Variants in IQGAP3 observed in about 807,000 individuals in gnomAD.
The protein encoded by IQGAP3 is ras GTPase-activating-like protein IQGAP3.
A neutral mutation model predicts 208.2 loss-of-function variants in IQGAP3; 165 were observed. That is an observed-to-expected ratio of 0.79 (90% CI 0.70 to 0.90). IQGAP3 has a LOEUF of 0.90. IQGAP3 is among the 40% of genes least tolerant of loss of function. The pLI, the probability that IQGAP3 is intolerant of heterozygous loss-of-function variation, is 0.00. For missense variants in IQGAP3, 1,811 were observed against 2,043.1 expected (o/e 0.89, Z 2.19); for synonymous variants, 703 against 803.6 (o/e 0.87, Z 2.12).
In IQGAP3 at chr1:156,548,195, T is replaced by C; in HGVS notation, c.2182A>G (p.Lys728Glu). ...TGGATAACAAAGCCGACGTTGGCTT[T>C]CCAGAGCTGTTGGCGGTCATAGGCA... is the stretch of plus-strand genomic sequence containing the variant. Reference protein sequence around the residue: ...TAAYDRQQLWKANVGFVIQLQ... With the variant: ...TAAYDRQQLWEANVGFVIQLQ... Residue 728 changes from lysine (K) to glutamate (E), a missense_variant, in exon 19 of 38, where the codon AAA (lysine) becomes GAA (glutamate). Coordinates refer to ENST00000361170, the MANE Select transcript of IQGAP3 (RefSeq NM_178229.5). 6.2e-7 allele frequency: 1 copy of C among 1,614,108 alleles called. No homozygotes were observed. The highest frequency in any genetic ancestry group is 1.7e-5 in the Admixed American group (1 of 60,022).
chr1:156,537,324 A>G lies in IQGAP3; in HGVS notation c.3282-3T>C, dbSNP rs1453865353. On this transcript the variant is annotated splice_polypyrimidine_tract_variant and splice_region_variant and intron_variant, in intron 26 of 37. Coordinates refer to ENST00000361170, the MANE Select transcript of IQGAP3 (RefSeq NM_178229.5). The stretch of plus-strand genomic sequence containing the variant: ...GGGTGACATCATATGGGAGATGGCT[A>G]TGAGCAGAGAGAGACAAGGTGTAAG... The G allele has an allele frequency of 6.2e-7, 1 of 1,610,890 alleles. No individual in the cohort carries two copies.
chr1:156,569,277 G>T, intron 2 of IQGAP3, 99 bp downstream of exon 2: 1 of 727,072 alleles, frequency 1.4e-6, no homozygotes, highest in South Asian at 1.7e-5. Flanking sequence ...CCCACAGGAT[G>T]GACTCTCGAT....
intron 11 of IQGAP3, among the ~76,000 whole-genome samples, chr1:156,560,378 G>T (rs1402057094): frequency 6.6e-6 from 1 of 152,092 alleles, no homozygotes; most frequent in Non-Finnish European, 1.5e-5. Context: ...TGCCATGGTG[G>T]CAGGTGCCTG....
At chr1:156,534,307 T>C (rs1265105124) in intron 29 of IQGAP3, among the ~76,000 whole-genome samples, 166 bp from the exon 30 acceptor site, 2 of 152,184 alleles carry the variant, frequency 1.3e-5, no homozygotes, top group African/African-American at 4.8e-5. Flanking sequence ...CAGTGACCCC[T>C]CAAGACAATC....
chr1:156,562,330 C>CT (rs1571359827), intron 9 of IQGAP3, among the ~76,000 whole-genome samples: 1 of 152,116 alleles, frequency 6.6e-6, no homozygotes, highest in East Asian at 1.9e-4. Flanking sequence ...TCCAACTGCC[C>CT]CCCCGGCATC....
Position 156,527,126 on chromosome 1 carries a change from C to T in IQGAP3, c.4783-527G>A, listed in dbSNP as rs902995069. ...GATTACAGGCGTGAGCCACTGCACC[C>T]GGCCAAAATCATTTTTCTTACTCAA... On this transcript the variant is annotated intron_variant, in intron 37 of 37. Transcript: ENST00000361170. Among the ~76,000 whole-genome samples, 30 of 151,898 alleles carry T rather than the reference C, an allele frequency of 2.0e-4. 2 individuals are homozygous for T. The Middle Eastern group carries it at 0.01, about 52-fold the overall frequency.
Position 156,528,145 on chromosome 1 carries a change from T to C in IQGAP3, c.4674-85A>G, listed in dbSNP as rs1674195434. The C allele has an allele frequency of 5.0e-6, 5 of 994,816 alleles. No individual in the cohort carries two copies. The Admixed American group carries it at 7.4e-5, about 15-fold the overall frequency. 61.6% of individuals were successfully genotyped at this position (994,816 alleles called of 1,614,324 possible). A position where few individuals can be genotyped will look rare whatever the true frequency, so the allele number is the denominator to read the frequency against. Reference sequence around the variant, plus strand: ...TTCTTGCACCCACTGCTCCTCATCCTGGGCAGCGGTGTCATCCAGAACCAG... The same window carrying C: ...TTCTTGCACCCACTGCTCCTCATCCCGGGCAGCGGTGTCATCCAGAACCAG... On this transcript the variant is annotated intron_variant, in intron 36 of 37. Transcript: ENST00000361170.
intron 12 of IQGAP3, among the ~76,000 whole-genome samples, chr1:156,555,075 G>A (rs1675764934): frequency 6.6e-6 from 1 of 151,944 alleles, no homozygotes; most frequent in African/African-American, 2.4e-5. Flanking sequence ...AAATTGAACT[G>A]CACTAGGCCC....
chr1:156,529,058 T>C lies in IQGAP3; in HGVS notation c.4429A>G (p.Arg1477Gly). ...ACCAGCTCTGCCTTCCGCCTGTGCC[T>C]GTGTCTGTGCTGGTTGCGGATGTCC... ...AKDIRNQHRHRHRRKAELVKL... is the reference protein window; with the variant it reads ...AKDIRNQHRHGHRRKAELVKL... The change falls in exon 35 of 38, where the codon AGG becomes GGG. Residue 1477 changes from arginine (R) to glycine (G), a missense_variant. Transcript: ENST00000361170. The C allele has an allele frequency of 1.2e-6, 2 of 1,614,208 alleles. No individual in the cohort carries two copies. The highest frequency in any genetic ancestry group is 1.7e-6 in the Non-Finnish European group (2 of 1,180,026).
intron 19 of IQGAP3, among the ~76,000 whole-genome samples, chr1:156,544,794 C>T (rs917356555): frequency 3.3e-5 from 5 of 152,302 alleles, no homozygotes; most frequent in Non-Finnish European, 1.5e-5. Context: ...ATAAAGCATA[C>T]ACCTACTCAT....
intron 12 of IQGAP3, 53 bp from the exon 13 acceptor site, chr1:156,554,445 G>A (rs762048767): frequency 1.8e-5 from 27 of 1,504,362 alleles, no homozygotes; most frequent in African/African-American, 2.8e-5. Context: ...GGGTCTAAAG[G>A]CCTATTCACC....
At chr1:156,527,837 T>G (rs750542683) in intron 37 of IQGAP3, 115 bp downstream of exon 37, 199 of 685,346 alleles carry the variant, frequency 2.9e-4, no homozygotes, top group Admixed American at 9.6e-4. Context: ...ACTGATTGGG[T>G]GAAAAACTGA....
Position 156,561,873 on chromosome 1 carries a change from CCAGGTACCAGT to C in IQGAP3, c.995_1005del (p.Asp332GlyfsTer37). 6.2e-7 allele frequency: 1 copy of C among 1,614,062 alleles called. No individual in the cohort carries two copies. The highest frequency in any genetic ancestry group is 8.5e-7 in the Non-Finnish European group (1 of 1,179,984). On this transcript the variant is annotated frameshift_variant, in exon 10 of 38. Transcript: ENST00000361170. LOFTEE classifies it high-confidence loss of function. ...TGCTCTCTGTCTGAGTTCAGCTGCTCCAGGTACCAGTCAGCAAAGTCTCTCCTCACCCCTCG... is the reference window on the plus strand; with the variant it reads ...TGCTCTCTGTCTGAGTTCAGCTGCTCCAGCAAAGTCTCTCCTCACCCCTCG...
In IQGAP3 at chr1:156,540,922, AG is replaced by A. The variant is rs1416155768; in HGVS notation, c.2531-7del. The A allele has an allele frequency of 6.2e-7, 1 of 1,611,884 alleles. No homozygotes were observed. Among genetic ancestry groups the A allele is most frequent in the Non-Finnish European group, 8.5e-7 (1 of 1,178,612 alleles). On this transcript the variant is annotated splice_polypyrimidine_tract_variant and splice_region_variant and intron_variant, in intron 22 of 37. Transcript: ENST00000361170. ...AGGAGGGTGGGGTGCATGCACTGGG[AG>A]GAAGGGAGGAGGCATCAGGATTAGC...
At position 156,553,209 on chromosome 1, in the gene IQGAP3, A is replaced by G. The variant is rs116099754; in HGVS notation, c.1448+1026T>C. ...AAAAAAAAAGAAGTAGGTCAGATCA[A>G]CTCCCTCCCGGCTCAAAACCCTCCC... On this transcript the variant is annotated intron_variant, in intron 13 of 37. Coordinates refer to ENST00000361170, the MANE Select transcript of IQGAP3 (RefSeq NM_178229.5). 4.8e-3 allele frequency among the ~76,000 whole-genome samples: 735 copies of G among 151,948 alleles called. 5 individuals carry two copies. The highest frequency in any genetic ancestry group is 0.017 in the African/African-American group (706 of 41,430).
At chr1:156,528,861 G>A in intron 35 of IQGAP3, 55 bp downstream of exon 35, 12 of 1,592,060 alleles carry the variant, frequency 7.5e-6, no homozygotes, top group Non-Finnish European at 1.0e-5. Flanking sequence ...AAGGTGACAT[G>A]GGCAGGGGTG....
intron 1 of IQGAP3, among the ~76,000 whole-genome samples, chr1:156,570,815 T>C (rs1172112585): frequency 6.6e-6 from 1 of 152,250 alleles, no homozygotes; most frequent in Non-Finnish European, 1.5e-5. Flanking sequence ...CAAAGATTAT[T>C]ATCAGAAGAG....
In IQGAP3 at chr1:156,550,271, T is replaced by C; in HGVS notation, c.1815A>G (p.Thr605=). 6.2e-7 allele frequency: 1 copy of C among 1,611,338 alleles called. No individual in the cohort carries two copies. Among genetic ancestry groups the C allele is most frequent in the Non-Finnish European group, 8.5e-7 (1 of 1,177,738 alleles). Residue 605 remains threonine, a synonymous_variant, in exon 16 of 38, where the codon ACA becomes ACG. Coordinates refer to ENST00000361170, the MANE Select transcript of IQGAP3 (RefSeq NM_178229.5). The part of the protein sequence containing the change: ...GVVRANQDTN[T]AQRMALGVAA... ...AACCAGTCCATTTACTTCTCTGAGC[T>C]GTATTAGTGTCCTGGTTGGCTCTGA...
chr1:156,526,265 C>T lies in IQGAP3; in HGVS notation c.*221G>A. 1.8e-6 allele frequency: 1 copy of T among 549,344 alleles called. No homozygotes were observed. Among genetic ancestry groups the T allele is most frequent in the South Asian group, 2.3e-5 (1 of 44,132 alleles). 34.0% of individuals were successfully genotyped at this position (549,344 alleles called of 1,614,324 possible). ...AGGGGTTTGTCATGCATGATAAAAG[C>T]CACACAGCTGGACTCTGGGCAAGGC... On this transcript the variant is annotated 3_prime_UTR_variant, in exon 38 of 38. Coordinates refer to ENST00000361170, the MANE Select transcript of IQGAP3 (RefSeq NM_178229.5).
Sources: allele counts gnomAD v4.1 joint callset (sites outside exome capture counted in the v4.1 genomes callset), GRCh38; gene constraint gnomAD v4.1.1; transcripts MANE v1.5; gene names NCBI Gene and HGNC (gene_info 2026-07-23, HGNC 2026-07-21).